Variants in ST18 observed in about 807,000 individuals in gnomAD.
The protein encoded by ST18 is suppression of tumorigenicity 18 protein.
A neutral mutation model predicts 110.0 loss-of-function variants in ST18; 50 were observed. That is an observed-to-expected ratio of 0.45 (90% CI 0.36 to 0.58). The LOEUF is 0.58. ST18 is among the 20% of genes least tolerant of loss of function. The pLI, the probability that ST18 is intolerant of heterozygous loss-of-function variation, is 0.00. For missense variants in ST18, 1,306 were observed against 1,280.1 expected (o/e 1.02, Z -0.31); for synonymous variants, 461 against 452.4 (o/e 1.02, Z -0.24).
At chr8:52,263,743 C>A (rs1456663761) in intron 2 of ST18, among the ~76,000 whole-genome samples, 2 of 94,596 alleles carry the variant, frequency 2.1e-5, no homozygotes, top group Non-Finnish European at 2.1e-5. Flanking sequence ...CAGTGCCTGG[C>A]TTTTTTTTTT....
intron 24 of ST18, 126 bp downstream of exon 24, chr8:52,118,212 T>C (rs888584719): frequency 1.7e-6 from 1 of 604,256 alleles, no homozygotes; most frequent in South Asian, 2.4e-5. Flanking sequence ...TTATGGAATC[T>C]AGAAACACTC....
chr8:52,166,949 C>G lies in ST18; in HGVS notation c.1107G>C (p.Pro369=), dbSNP rs139354986. The G allele has an allele frequency of 6.2e-7, 1 of 1,611,982 alleles. No individual in the cohort carries two copies. Among genetic ancestry groups the G allele is most frequent in the African/African-American group, 1.3e-5 (1 of 75,040 alleles). ...PRPEKRETKC[P]IPGCDGTGHV... The stretch of plus-strand genomic sequence containing the variant: ...GTCCCGTGCCATCACATCCAGGGAT[C>G]GGGCACTTGGTCTCCCTCTTTTCAG... Residue 369 remains proline (P), a synonymous_variant, in exon 11 of 26, where the codon CCG becomes CCC. Transcript: ENST00000689386.
At chr8:52,240,278 A>T (rs190323512) in intron 2 of ST18, among the ~76,000 whole-genome samples, 1 of 152,152 alleles carries the variant, frequency 6.6e-6, no homozygotes, top group East Asian at 1.9e-4. Flanking sequence ...CTTTTTAATT[A>T]TACCATGTAA....
Position 52,132,197 on chromosome 8 carries a change from A to C in ST18, c.2445-18T>G. ...CAGGACATCTAGAGAGAAAGCAGAG[A>C]CATTACCAGCCAGGAAGAAGGCAGT... is the stretch of plus-strand genomic sequence containing the variant. On this transcript the variant is annotated intron_variant, in intron 21 of 25. Transcript: ENST00000689386. 1 of 1,597,434 alleles carries C rather than the reference A, an allele frequency of 6.3e-7. No homozygotes were observed. The highest frequency in any genetic ancestry group is 8.5e-7 in the Non-Finnish European group (1 of 1,171,474).
intron 23 of ST18, among the ~76,000 whole-genome samples, chr8:52,123,901 A>T (rs890644622): frequency 1.3e-5 from 2 of 152,298 alleles, no homozygotes; most frequent in African/African-American, 4.8e-5. Flanking sequence ...TTCTGTTTAC[A>T]GTATGGATGG....
intron 2 of ST18, among the ~76,000 whole-genome samples, chr8:52,330,951 C>G (rs1412213461): frequency 6.6e-6 from 1 of 152,132 alleles, no homozygotes. Context: ...GAGAGGCAGA[C>G]AGACAGAGGA....
chr8:52,240,200 T>C (rs2093260747), intron 2 of ST18, among the ~76,000 whole-genome samples: 2 of 152,152 alleles, frequency 1.3e-5, no homozygotes, highest in South Asian at 4.1e-4. Flanking sequence ...TTTAGTTTTC[T>C]GAGTTTCTAT....
intron 23 of ST18, among the ~76,000 whole-genome samples, chr8:52,120,203 T>C (rs2044139721): frequency 6.6e-6 from 1 of 152,188 alleles, no homozygotes; most frequent in Admixed American, 6.5e-5. Context: ...AAGAAAGGAC[T>C]GAAATACCTG....
intron 2 of ST18, among the ~76,000 whole-genome samples, chr8:52,387,961 C>T (rs1837541290): frequency 6.6e-6 from 1 of 151,370 alleles, no homozygotes; most frequent in South Asian, 2.1e-4. Flanking sequence ...TCCCCACCCC[C>T]CCGCCCCACG....
intron 2 of ST18, among the ~76,000 whole-genome samples, chr8:52,247,652 C>T (rs2093964962): frequency 6.6e-6 from 1 of 152,158 alleles, no homozygotes; most frequent in Non-Finnish European, 1.5e-5. Flanking sequence ...AAACATTCAT[C>T]ACAGAAAGAT....
intron 16 of ST18, among the ~76,000 whole-genome samples, chr8:52,149,453 A>G (rs2058229074): frequency 1.3e-5 from 2 of 152,256 alleles, no homozygotes; most frequent in Admixed American, 6.5e-5. Flanking sequence ...ATATGAAGGG[A>G]TAGATAATAT....
intron 2 of ST18, among the ~76,000 whole-genome samples, chr8:52,390,809 C>T (rs1023212053): frequency 1.3e-5 from 2 of 152,224 alleles, no homozygotes; most frequent in Non-Finnish European, 2.9e-5. Context: ...GGTGCAAACA[C>T]GGCCTGGCCC....
intron 8 of ST18, among the ~76,000 whole-genome samples, chr8:52,209,035 A>G (rs2081181984): frequency 6.6e-6 from 1 of 152,238 alleles, no homozygotes; most frequent in African/African-American, 2.4e-5. Flanking sequence ...TTACTCTAAT[A>G]ACAAATTAGT....
At chr8:52,148,178 CA>C (rs1192762782) in intron 16 of ST18, among the ~76,000 whole-genome samples, 3 of 152,172 alleles carry the variant, frequency 2.0e-5, no homozygotes, top group Non-Finnish European at 4.4e-5. Context: ...ATCAGTTTCA[CA>C]TTCGTTATCA....
intron 10 of ST18, among the ~76,000 whole-genome samples, chr8:52,167,213 G>A (rs1363075536): frequency 1.3e-5 from 2 of 152,196 alleles, no homozygotes; most frequent in East Asian, 3.8e-4. Flanking sequence ...GCAAGAGAGT[G>A]TTAAAATACA....
At chr8:52,123,045 G>A (rs2045603100) in intron 23 of ST18, among the ~76,000 whole-genome samples, 1 of 152,070 alleles carries the variant, frequency 6.6e-6, no homozygotes, top group Non-Finnish European at 1.5e-5. Flanking sequence ...AAGCACAGAA[G>A]GACTGGCATT....
chr8:52,384,727 T>G (rs1256963864), intron 2 of ST18, among the ~76,000 whole-genome samples: 1 of 152,206 alleles, frequency 6.6e-6, no homozygotes, highest in African/African-American at 2.4e-5. Context: ...TTTTCCCATG[T>G]GTCATTCTAA....
At chr8:52,302,326 T>C (rs1196173297) in intron 2 of ST18, among the ~76,000 whole-genome samples, 1 of 152,024 alleles carries the variant, frequency 6.6e-6, no homozygotes, top group Non-Finnish European at 1.5e-5. Flanking sequence ...TATAGAATCA[T>C]GGTTTTCAAT....
chr8:52,187,795 C>T (rs1213062568), intron 8 of ST18, among the ~76,000 whole-genome samples: 1 of 152,108 alleles, frequency 6.6e-6, no homozygotes, highest in Non-Finnish European at 1.5e-5. Context: ...GGCCTAATTA[C>T]CCAATACATA....
Sources: allele counts gnomAD v4.1 joint callset (sites outside exome capture counted in the v4.1 genomes callset), GRCh38; gene constraint gnomAD v4.1.1; transcripts MANE v1.5; gene names NCBI Gene and HGNC (gene_info 2026-07-23, HGNC 2026-07-21).